ARL14EPL: variants seen among roughly 807,000 people sequenced by gnomAD.
ARL14EPL encodes the protein ARL14 effector protein-like.
A neutral mutation model predicts 15.9 loss-of-function variants in ARL14EPL; 17 were observed. The observed-to-expected ratio is 1.07, with a 90% CI of 0.73 to 1.60. The LOEUF (loss-of-function observed/expected upper bound fraction) is 1.60. ARL14EPL is among the 40% of genes most tolerant of loss of function. ARL14EPL has a pLI of 0.00. For missense variants in ARL14EPL, 214 were observed against 185.9 expected, an observed-to-expected ratio of 1.15 and a Z score of -0.88; for synonymous variants, 78 against 63.8, an observed-to-expected ratio of 1.22 and a Z score of -1.06.
At chr5:116,054,675 C>G (rs1417333149) in intron 3 of ARL14EPL, among the ~76,000 whole-genome samples, 1 of 151,854 alleles carries the variant, frequency 6.6e-6, no homozygotes, top group Non-Finnish European at 1.5e-5. Context: ...ACTAAAAATA[C>G]AAAAAATTAG....
At chr5:116,056,234 C>G (rs1050600466) in intron 3 of ARL14EPL, among the ~76,000 whole-genome samples, 3 of 151,964 alleles carry the variant, frequency 2.0e-5, no homozygotes, top group South Asian at 2.1e-4. Flanking sequence ...CTGACTTCCA[C>G]AAGGGTTGAA....
At chr5:116,041,603 C>G (rs1015441466) in intron 1 of ARL14EPL, among the ~76,000 whole-genome samples, 2 of 152,142 alleles carry the variant, frequency 1.3e-5, no homozygotes, top group Admixed American at 1.3e-4. Context: ...TATACACACA[C>G]AGAAGCTACT....
chr5:116,048,829 G>A (rs144384206), intron 1 of ARL14EPL, among the ~76,000 whole-genome samples: 2 of 152,214 alleles, frequency 1.3e-5, no homozygotes, highest in African/African-American at 2.4e-5. Context: ...GCAGAGAGGA[G>A]TCATTGAAGT....
In ARL14EPL at chr5:116,056,046, A is replaced by T. The variant is rs1749508732; in HGVS notation, c.236+1893A>T. Reference sequence around the variant, plus strand: ...CCACATTGTCTTAATCCAGTCTATCATTGTTGGACATTTCGGTTGGTTCCA... The same window carrying T: ...CCACATTGTCTTAATCCAGTCTATCTTTGTTGGACATTTCGGTTGGTTCCA... On this transcript the variant is annotated intron_variant, in intron 3 of 3. Coordinates refer to ENST00000686077, the MANE Select transcript of ARL14EPL (RefSeq NM_001195581.2). Among the ~76,000 whole-genome samples, 5 of 152,228 alleles carry T rather than the reference A, an allele frequency of 3.3e-5. No individual in the cohort carries two copies. The South Asian group carries it at 1.0e-3, about 32-fold the overall frequency.
chr5:116,040,371 G>A (rs73780804), intron 1 of ARL14EPL, among the ~76,000 whole-genome samples: 7,600 of 150,166 alleles, frequency 0.051, 644 homozygotes, highest in African/African-American at 0.17. Context: ...GGCTATAATC[G>A]AAATTAATAG....
chr5:116,054,237 T>C (rs1749462240), intron 3 of ARL14EPL, 84 bp downstream of exon 3: 34 of 1,302,734 alleles, frequency 2.6e-5, no homozygotes, highest in Non-Finnish European at 3.5e-5. Flanking sequence ...AGATTCCCTC[T>C]TTTTATTATT....
intron 3 of ARL14EPL, among the ~76,000 whole-genome samples, chr5:116,057,420 C>CTAA (rs1554078501): frequency 1.4e-5 from 1 of 72,866 alleles, no homozygotes; most frequent in Non-Finnish European, 4.0e-5. Context: ...CAGGATTTTA[C>CTAA]CAAAAAAAAA....
chr5:116,055,995 G>A (rs560887329), intron 3 of ARL14EPL, among the ~76,000 whole-genome samples: 3 of 152,254 alleles, frequency 2.0e-5, no homozygotes, highest in African/African-American at 7.2e-5. Context: ...TTTTATGGTT[G>A]CATAGTATTC....
intron 3 of ARL14EPL, among the ~76,000 whole-genome samples, chr5:116,054,462 G>A (rs1749468341): frequency 6.6e-6 from 1 of 152,166 alleles, no homozygotes; most frequent in African/African-American, 2.4e-5. Context: ...ATATAACCAT[G>A]GGAATGAACT....
At chr5:116,033,194 C>T (rs1170760734) in intron 1 of ARL14EPL, among the ~76,000 whole-genome samples, 1 of 152,170 alleles carries the variant, frequency 6.6e-6, no homozygotes, top group African/African-American at 2.4e-5. Context: ...TACAGGAAAT[C>T]CCCGACTTAC....
chr5:116,051,951 T>A, intron 2 of ARL14EPL: 1 of 1,610,662 alleles, frequency 6.2e-7, no homozygotes, highest in Non-Finnish European at 8.5e-7. Context: ...CCACCCTTGG[T>A]ATTTCTGGTG....
intron 1 of ARL14EPL, among the ~76,000 whole-genome samples, chr5:116,045,360 G>A (rs1335518810): frequency 6.6e-6 from 1 of 152,218 alleles, no homozygotes; most frequent in Non-Finnish European, 1.5e-5. Context: ...GGTTAATGCT[G>A]AAAATGGCAC....
intron 1 of ARL14EPL, among the ~76,000 whole-genome samples, chr5:116,042,717 C>T (rs182529126): frequency 1.3e-5 from 2 of 152,184 alleles, no homozygotes; most frequent in African/African-American, 4.8e-5. Flanking sequence ...TACTGTAGCC[C>T]CTCCCTGGAT....
chr5:116,043,692 T>G (rs1346302635), intron 1 of ARL14EPL, among the ~76,000 whole-genome samples: 1 of 152,184 alleles, frequency 6.6e-6, no homozygotes, highest in Non-Finnish European at 1.5e-5. Flanking sequence ...GGAAGTAAGG[T>G]TCAGTGCCGT....
chr5:116,040,063 A>G (rs1182820661), intron 1 of ARL14EPL, among the ~76,000 whole-genome samples: 1 of 152,076 alleles, frequency 6.6e-6, no homozygotes, highest in African/African-American at 2.4e-5. Flanking sequence ...CAAACTTTTT[A>G]CTCTCCCAAC....
At chr5:116,045,034 T>C (rs1749238118) in intron 1 of ARL14EPL, among the ~76,000 whole-genome samples, 1 of 152,140 alleles carries the variant, frequency 6.6e-6, no homozygotes, top group African/African-American at 2.4e-5. Flanking sequence ...CTGTGAAACT[T>C]CATCATTTGA....
In ARL14EPL at chr5:116,054,640, G is replaced by A. The variant is rs906282446; in HGVS notation, c.236+487G>A. Among the ~76,000 whole-genome samples, 5 of 152,232 alleles carry A rather than the reference G, an allele frequency of 3.3e-5. No individual in the cohort carries two copies. The South Asian group carries it at 8.3e-4, about 25-fold the overall frequency. ...AGGTCAGGAGATCTAGACCATCCTG[G>A]CTAACACGGTGAAACCCCGTCTCTA... is the stretch of plus-strand genomic sequence containing the variant. On this transcript the variant is annotated intron_variant, in intron 3 of 3. Coordinates refer to ENST00000686077, the MANE Select transcript of ARL14EPL (RefSeq NM_001195581.2).
intron 2 of ARL14EPL, 66 bp downstream of exon 2, chr5:116,051,627 C>A (rs865795435): frequency 2.7e-5 from 36 of 1,327,084 alleles, no homozygotes; most frequent in Middle Eastern, 3.6e-4. Context: ...CTCTGAGATG[C>A]CCATGGATGT....
chr5:116,051,194 G>T (rs760572916), intron 1 of ARL14EPL: 3 of 336,158 alleles, frequency 8.9e-6, no homozygotes, highest in African/African-American at 2.1e-5. Flanking sequence ...TCCTGCTTAA[G>T]AGAGGTTTAT....
Sources: gnomAD v4.1 joint callset for allele counts (sites outside exome capture counted in the v4.1 genomes callset) on GRCh38, gnomAD v4.1.1 for gene constraint, MANE v1.5 for transcripts, NCBI Gene and HGNC (gene_info 2026-07-23, HGNC 2026-07-21) for gene names.